The following GRM8 variants were observed in gnomAD, a reference collection of about 807,000 sequenced individuals.
GRM8 encodes the protein metabotropic glutamate receptor 8.
GRM8 carries 47 observed loss-of-function variants against 87.2 expected under a neutral mutation model. The observed-to-expected ratio is 0.54, with a 90% CI of 0.43 to 0.69. The LOEUF (loss-of-function observed/expected upper bound fraction) is 0.69. GRM8 is among the 30% of genes least tolerant of loss of function. GRM8 has a pLI of 0.00. For synonymous variants in GRM8, 396 were observed against 404.5 expected, an observed-to-expected ratio of 0.98 and a Z score of 0.25; for missense variants, 1,019 against 1,139.2, an observed-to-expected ratio of 0.89 and a Z score of 1.52.
intron 2 of GRM8, among the ~76,000 whole-genome samples, chr7:127,164,955 T>C (rs1349381952): frequency 6.6e-6 from 1 of 151,488 alleles, no homozygotes; most frequent in African/African-American, 2.4e-5. Context: ...ATTGAATGAG[T>C]CTGAGATTGG....
chr7:126,870,560 A>G (rs1321879499), intron 6 of GRM8: 4 of 152,134 alleles, frequency 2.6e-5, no homozygotes, highest in African/African-American at 9.7e-5. Context: ...GCCAAATTCC[A>G]ATATTATTGT....
At chr7:127,051,738 GCAAA>G (rs1220628122) in intron 3 of GRM8, among the ~76,000 whole-genome samples, 95 of 13,054 alleles carry the variant, frequency 7.3e-3, no homozygotes, top group African/African-American at 0.014. Context: ...ATAATGTTGA[GCAAA>G]AAAAAAAAAA....
intron 3 of GRM8, among the ~76,000 whole-genome samples, chr7:126,966,134 C>T (rs1321775051): frequency 1.3e-5 from 2 of 151,962 alleles, no homozygotes; most frequent in Non-Finnish European, 2.9e-5. Context: ...TCTTTTGTTG[C>T]TGTTCTTTTT....
intron 6 of GRM8, among the ~76,000 whole-genome samples, chr7:126,790,270 A>G (rs556825506): frequency 6.6e-6 from 1 of 152,328 alleles, no homozygotes; most frequent in East Asian, 1.9e-4. Flanking sequence ...AGCCTCCCGA[A>G]GTGCTGGAAT....
chr7:126,927,560 A>G (rs1380031706), intron 3 of GRM8, among the ~76,000 whole-genome samples: 2 of 152,228 alleles, frequency 1.3e-5, no homozygotes, highest in Non-Finnish European at 2.9e-5. Context: ...GGAGAAGGGT[A>G]TGAACAGACA....
intron 3 of GRM8, among the ~76,000 whole-genome samples, chr7:127,042,044 T>C (rs1818475723): frequency 6.6e-6 from 1 of 152,196 alleles, no homozygotes; most frequent in South Asian, 2.1e-4. Context: ...CAATAGGAAC[T>C]GGTTTAGCTT....
At chr7:126,519,430 A>G (rs1319300719) in intron 9 of GRM8, among the ~76,000 whole-genome samples, 1 of 152,108 alleles carries the variant, frequency 6.6e-6, no homozygotes, top group Non-Finnish European at 1.5e-5. Context: ...GCTAATAGTC[A>G]ATAGGAATTA....
At chr7:127,160,535 G>GCGCA (rs1554603506) in intron 2 of GRM8, among the ~76,000 whole-genome samples, 1,714 of 140,406 alleles carry the variant, frequency 0.012, 25 homozygotes, top group African/African-American at 0.049. Flanking sequence ...TCACGCGCGC[G>GCGCA]CACACACACA....
intron 7 of GRM8, among the ~76,000 whole-genome samples, chr7:126,763,442 CATATATATATAT>C (rs750564318): frequency 2.4e-4 from 29 of 119,922 alleles, no homozygotes; most frequent in African/African-American, 8.4e-4. Flanking sequence ...ATGATAAATT[CATATATATATAT>C]ATATATATAT....
chr7:126,624,564 G>A (rs1202823428), intron 7 of GRM8, among the ~76,000 whole-genome samples: 2 of 152,174 alleles, frequency 1.3e-5, no homozygotes, highest in Non-Finnish European at 2.9e-5. Flanking sequence ...TAAATCGCTG[G>A]ATGATATGCC....
rs137927348 is a variant in GRM8, at chr7:127,205,091, G to C, written c.510+37604C>G. Among the ~76,000 whole-genome samples the C allele has an allele frequency of 2.6e-5, 4 of 152,278 alleles. No individual in the cohort carries two copies. In the East Asian group the frequency reaches 7.7e-4, roughly 29 times the overall value. On this transcript the variant is annotated intron_variant, in intron 2 of 10. Transcript: ENST00000339582. ...AACTGTGCTGATCCTGATTGTATGA[G>C]ACAAGAAAATCCAGCCAATTCTATT... is the stretch of plus-strand genomic sequence containing the variant.
At chr7:127,123,859 C>A (rs1465814800) in intron 2 of GRM8, among the ~76,000 whole-genome samples, 1 of 150,542 alleles carries the variant, frequency 6.6e-6, no homozygotes, top group South Asian at 2.1e-4. Flanking sequence ...CATCACATGA[C>A]AAACCTTCCC....
At chr7:126,703,306 C>T (rs939813868) in intron 7 of GRM8, among the ~76,000 whole-genome samples, 7 of 152,052 alleles carry the variant, frequency 4.6e-5, no homozygotes, top group East Asian at 1.9e-4. Flanking sequence ...AAAACAGAGA[C>T]GAATAGGATA....
At chr7:126,529,054 GACA>G (rs1285068334) in intron 9 of GRM8, among the ~76,000 whole-genome samples, 2 of 152,084 alleles carry the variant, frequency 1.3e-5, no homozygotes, top group Non-Finnish European at 2.9e-5. Context: ...TGAAACAAAG[GACA>G]ACTATAATAA....
At chr7:126,521,936 A>C (rs781050992) in intron 9 of GRM8, among the ~76,000 whole-genome samples, 1 of 152,162 alleles carries the variant, frequency 6.6e-6, no homozygotes, top group Admixed American at 6.5e-5. Context: ...CATGCTGTGT[A>C]TCTTTACTTT....
intron 7 of GRM8, among the ~76,000 whole-genome samples, chr7:126,769,506 A>C (rs1355105158): frequency 3.9e-5 from 6 of 152,138 alleles, no homozygotes; most frequent in Admixed American, 3.3e-4. Context: ...GTTTCAAAAC[A>C]AAATGTCTAC....
chr7:126,642,753 A>C (rs978016812), intron 7 of GRM8, among the ~76,000 whole-genome samples: 1 of 152,144 alleles, frequency 6.6e-6, no homozygotes, highest in Non-Finnish European at 1.5e-5. Context: ...GATTTCCTTT[A>C]AGAGGCAGTG....
At chr7:126,979,990 T>C (rs967404961) in intron 3 of GRM8, among the ~76,000 whole-genome samples, 8 of 152,246 alleles carry the variant, frequency 5.3e-5, no homozygotes, top group African/African-American at 1.9e-4. Flanking sequence ...GTTCCTCAGA[T>C]GTACAAGCCA....
intron 6 of GRM8, among the ~76,000 whole-genome samples, chr7:126,826,428 G>C (rs1463707381): frequency 6.6e-6 from 1 of 152,122 alleles, no homozygotes; most frequent in Non-Finnish European, 1.5e-5. Context: ...GGTGTGAGAT[G>C]GTATCTCATT....
Sources: allele counts gnomAD v4.1 joint callset (sites outside exome capture counted in the v4.1 genomes callset), GRCh38; gene constraint gnomAD v4.1.1; transcripts MANE v1.5; gene names NCBI Gene and HGNC (gene_info 2026-07-23, HGNC 2026-07-21).